The following FBXL7 variants were observed in gnomAD, a reference collection of about 807,000 sequenced individuals.
FBXL7 encodes the protein F-box and leucine rich repeat protein 7.
A neutral mutation model predicts 38.3 loss-of-function variants in FBXL7; 12 were observed. That is an observed-to-expected ratio of 0.31 (90% CI 0.20 to 0.51). FBXL7 has a LOEUF of 0.51. Ranked by LOEUF, FBXL7 falls within the 20% of genes least tolerant of loss-of-function variation. The probability of loss-of-function intolerance (pLI) is 0.98; values close to 1 mark genes in which losing one functional copy is unlikely to be tolerated. For missense variants in FBXL7, 567 were observed against 676.4 expected (o/e 0.84, Z 1.79); for synonymous variants, 297 against 300.9 (o/e 0.99, Z 0.13).
At chr5:15,807,725 C>T (rs527306835) in intron 2 of FBXL7, among the ~76,000 whole-genome samples, 2 of 151,200 alleles carry the variant, frequency 1.3e-5, no homozygotes, top group South Asian at 4.2e-4. Context: ...ATACATTGAA[C>T]ATCCACATTC....
At chr5:15,871,235 A>C (rs1166121763) in intron 2 of FBXL7, among the ~76,000 whole-genome samples, 1 of 152,206 alleles carries the variant, frequency 6.6e-6, no homozygotes, top group African/African-American at 2.4e-5. Flanking sequence ...AAACTAACAA[A>C]CAAAAAGCAA....
chr5:15,897,434 A>C (rs181629166), intron 2 of FBXL7, among the ~76,000 whole-genome samples: 3 of 152,356 alleles, frequency 2.0e-5, no homozygotes, highest in Admixed American at 6.5e-5. Context: ...TGGAGTTTAC[A>C]GTCTGGTAGT....
chr5:15,501,515 A>G (rs904753928), intron 1 of FBXL7: 16 of 985,410 alleles, frequency 1.6e-5, no homozygotes, highest in African/African-American at 1.7e-5. Context: ...CTGCAGTTCA[A>G]AAGTTAAGAA....
intron 1 of FBXL7, among the ~76,000 whole-genome samples, chr5:15,608,986 C>G (rs1580402662): frequency 6.6e-6 from 1 of 152,142 alleles, no homozygotes; most frequent in Non-Finnish European, 1.5e-5. Context: ...TAGAGTTTGA[C>G]AGACTTGCAC....
At chr5:15,769,541 C>T (rs918972386) in intron 2 of FBXL7, among the ~76,000 whole-genome samples, 8 of 152,216 alleles carry the variant, frequency 5.3e-5, no homozygotes, top group Non-Finnish European at 1.0e-4. Context: ...ACAATATAAT[C>T]CTCCTGGCAC....
chr5:15,562,464 G>T (rs557016212), intron 1 of FBXL7, among the ~76,000 whole-genome samples: 1 of 152,194 alleles, frequency 6.6e-6, no homozygotes, highest in Admixed American at 6.6e-5. Flanking sequence ...ACAAACATTT[G>T]TCCAAAGAAA....
intron 2 of FBXL7, among the ~76,000 whole-genome samples, chr5:15,628,684 A>C (rs1001950490): frequency 3.3e-5 from 5 of 152,192 alleles, no homozygotes; most frequent in Admixed American, 2.0e-4. Context: ...CATCATATAT[A>C]GCAGTATTTT....
intron 1 of FBXL7, among the ~76,000 whole-genome samples, chr5:15,593,039 C>A (rs1739527356): frequency 6.6e-6 from 1 of 152,156 alleles, no homozygotes; most frequent in African/African-American, 2.4e-5. Context: ...AACGATTCTC[C>A]TGATAGAGTA....
chr5:15,572,708 A>C (rs1041833628), intron 1 of FBXL7, among the ~76,000 whole-genome samples: 6 of 152,136 alleles, frequency 3.9e-5, no homozygotes, highest in Non-Finnish European at 7.4e-5. Flanking sequence ...ATTGTGGAAC[A>C]TTGACTCAGA....
At chr5:15,552,305 T>G (rs971639029) in intron 1 of FBXL7, among the ~76,000 whole-genome samples, 5 of 152,202 alleles carry the variant, frequency 3.3e-5, no homozygotes, top group African/African-American at 1.2e-4. Context: ...TGCCTCTGCC[T>G]GTCTTGTGGC....
intron 2 of FBXL7, among the ~76,000 whole-genome samples, chr5:15,776,491 T>C (rs1252727548): frequency 1.3e-5 from 2 of 152,166 alleles, no homozygotes; most frequent in Non-Finnish European, 2.9e-5. Context: ...TGTTGCTTGA[T>C]AAGGGCTTTT....
At chr5:15,532,034 T>C (rs1369333074) in intron 1 of FBXL7, among the ~76,000 whole-genome samples, 1 of 152,230 alleles carries the variant, frequency 6.6e-6, no homozygotes, top group Non-Finnish European at 1.5e-5. Context: ...TCTGTAATGG[T>C]GTCACATGTT....
chr5:15,683,080 G>T (rs997332704), intron 2 of FBXL7, among the ~76,000 whole-genome samples: 1 of 152,116 alleles, frequency 6.6e-6, no homozygotes, highest in East Asian at 1.9e-4. Flanking sequence ...AAGGTGTATT[G>T]CTTATTCATT....
intron 2 of FBXL7, among the ~76,000 whole-genome samples, chr5:15,900,973 AGT>A (rs1438942776): frequency 2.0e-5 from 3 of 152,250 alleles, no homozygotes; most frequent in Non-Finnish European, 2.9e-5. Context: ...ATTCTTCAAA[AGT>A]ATCAAGTAGG....
intron 2 of FBXL7, among the ~76,000 whole-genome samples, chr5:15,702,595 T>C (rs1036549903): frequency 2.0e-5 from 3 of 152,224 alleles, no homozygotes; most frequent in Non-Finnish European, 2.9e-5. Context: ...TTCATTGTTA[T>C]CATCATCTCC....
chr5:15,702,402 A>T (rs1205085880), intron 2 of FBXL7, among the ~76,000 whole-genome samples: 3 of 152,198 alleles, frequency 2.0e-5, no homozygotes, highest in Admixed American at 6.5e-5. Context: ...GCATTGAAAG[A>T]CAACAAAGTT....
chr5:15,684,306 G>T (rs917185012), intron 2 of FBXL7, among the ~76,000 whole-genome samples: 2 of 152,182 alleles, frequency 1.3e-5, no homozygotes, highest in Admixed American at 6.5e-5. Flanking sequence ...CATGAGAAAG[G>T]TGTGTGCACG....
chr5:15,923,744 G>C (rs1043088637), intron 2 of FBXL7, among the ~76,000 whole-genome samples: 3 of 152,150 alleles, frequency 2.0e-5, no homozygotes, highest in African/African-American at 4.8e-5. Context: ...TAGCAGGAAG[G>C]AATCAGAGAC....
At chr5:15,533,714 A>G (rs1407507735) in intron 1 of FBXL7, among the ~76,000 whole-genome samples, 1 of 152,112 alleles carries the variant, frequency 6.6e-6, no homozygotes, top group African/African-American at 2.4e-5. Flanking sequence ...TGGGGTCAAG[A>G]GTTTCATAGT....
Sources: allele counts gnomAD v4.1 joint callset (sites outside exome capture counted in the v4.1 genomes callset), GRCh38; gene constraint gnomAD v4.1.1; transcripts MANE v1.5; gene names NCBI Gene and HGNC (gene_info 2026-07-23, HGNC 2026-07-21).